The following HEMK2 variants were observed in gnomAD, a reference collection of about 807,000 sequenced individuals.
HEMK2 encodes the protein HemK methyltransferase 2, ETF1 glutamine and histone H4 lysine.
the HEMK2 span, among the ~76,000 whole-genome samples, chr21:28,823,217 G>A: frequency 3.3e-5 from 5 of 152,092 alleles, no homozygotes; most frequent in African/African-American, 2.4e-5. Context: ...CTGCCAAGTT[G>A]ACAATTTTAT....
chr21:28,587,700 T>C, the HEMK2 span, among the ~76,000 whole-genome samples: 1 of 152,206 alleles, frequency 6.6e-6, no homozygotes, highest in African/African-American at 2.4e-5. Flanking sequence ...ATTTTTTTAA[T>C]TTAAAAAATT....
the HEMK2 span, among the ~76,000 whole-genome samples, chr21:28,689,433 AAAG>A: frequency 2.0e-5 from 3 of 152,312 alleles, no homozygotes; most frequent in Admixed American, 6.5e-5. Context: ...TTTTTCTTAA[AAAG>A]AAGGTTAAGT....
the HEMK2 span, among the ~76,000 whole-genome samples, chr21:28,583,476 G>A: frequency 6.6e-6 from 1 of 152,172 alleles, no homozygotes; most frequent in Non-Finnish European, 1.5e-5. Context: ...GAATGAGAAA[G>A]TCTGAGGTCA....
chr21:28,804,228 T>TTTAC, the HEMK2 span, among the ~76,000 whole-genome samples: 1 of 152,204 alleles, frequency 6.6e-6, no homozygotes, highest in Non-Finnish European at 1.5e-5. Flanking sequence ...TTCAGACAAA[T>TTTAC]TTACTTGATT....
chr21:28,606,142 G>A, the HEMK2 span, among the ~76,000 whole-genome samples: 2 of 152,010 alleles, frequency 1.3e-5, no homozygotes, highest in Non-Finnish European at 2.9e-5. Context: ...ATTTTGAGTT[G>A]TAACAGTATA....
the HEMK2 span, among the ~76,000 whole-genome samples, chr21:28,685,189 G>A: frequency 5.3e-5 from 8 of 152,282 alleles, no homozygotes; most frequent in Middle Eastern, 3.4e-3. Context: ...TCAGCTCTTA[G>A]GGGCTACCTC....
At chr21:28,765,262 T>C in the HEMK2 span, among the ~76,000 whole-genome samples, 8 of 152,220 alleles carry the variant, frequency 5.3e-5, no homozygotes, top group Admixed American at 3.3e-4. Context: ...CAATTGAGTT[T>C]CAGGTGAGAC....
the HEMK2 span, among the ~76,000 whole-genome samples, chr21:28,643,296 T>C: frequency 6.6e-6 from 1 of 152,154 alleles, no homozygotes; most frequent in Non-Finnish European, 1.5e-5. Flanking sequence ...GATTAAGTCA[T>C]GGGGGTAGAG....
chr21:28,795,575 C>G, the HEMK2 span, among the ~76,000 whole-genome samples: 1 of 152,062 alleles, frequency 6.6e-6, no homozygotes, highest in South Asian at 2.1e-4. Context: ...ACTGGGTGAA[C>G]AGATAAAAGG....
chr21:28,714,762 G>A, the HEMK2 span, among the ~76,000 whole-genome samples: 4 of 152,156 alleles, frequency 2.6e-5, no homozygotes, highest in Non-Finnish European at 1.5e-5. Context: ...AGGGAGCATA[G>A]TACTCAATAG....
chr21:28,806,854 G>T, the HEMK2 span, among the ~76,000 whole-genome samples: 9 of 152,240 alleles, frequency 5.9e-5, no homozygotes, highest in Non-Finnish European at 1.0e-4. Flanking sequence ...GAGTGACCAT[G>T]GCCTTACTAA....
chr21:28,756,627 G>A, the HEMK2 span, among the ~76,000 whole-genome samples: 1 of 152,166 alleles, frequency 6.6e-6, no homozygotes, highest in African/African-American at 2.4e-5. Flanking sequence ...AGTGCCTTTT[G>A]CCAGAGAGTT....
the HEMK2 span, among the ~76,000 whole-genome samples, chr21:28,736,462 T>C: frequency 6.6e-6 from 1 of 152,196 alleles, no homozygotes; most frequent in African/African-American, 2.4e-5. Context: ...AATATGTTAA[T>C]ATTCTTTCAG....
chr21:28,585,111 C>A, the HEMK2 span, among the ~76,000 whole-genome samples: 1 of 152,108 alleles, frequency 6.6e-6, no homozygotes, highest in African/African-American at 2.4e-5. Context: ...GCAGGTGGAT[C>A]ACCTGAGGTC....
At chr21:28,663,695 G>A in the HEMK2 span, among the ~76,000 whole-genome samples, 1 of 152,138 alleles carries the variant, frequency 6.6e-6, no homozygotes, top group Non-Finnish European at 1.5e-5. Flanking sequence ...TTTTGTTATT[G>A]TCATTGATGA....
chr21:28,775,922 T>C, the HEMK2 span, among the ~76,000 whole-genome samples: 19,825 of 151,728 alleles, frequency 0.13, 1,455 homozygotes, highest in Middle Eastern at 0.23. Flanking sequence ...ACTGTTAAAA[T>C]GCCATTGGAA....
the HEMK2 span, among the ~76,000 whole-genome samples, chr21:28,758,818 A>C: frequency 1.5e-4 from 23 of 152,278 alleles, no homozygotes; most frequent in East Asian, 4.4e-3. Flanking sequence ...GCTGGAGCTC[A>C]GTGATTTGTG....
chr21:28,736,870 T>G, the HEMK2 span, among the ~76,000 whole-genome samples: 341 of 152,286 alleles, frequency 2.2e-3, 2 homozygotes, highest in African/African-American at 7.7e-3. Context: ...AAACTCAGAA[T>G]TGACAGTTAC....
the HEMK2 span, among the ~76,000 whole-genome samples, chr21:28,578,417 A>G: frequency 6.6e-6 from 1 of 152,200 alleles, no homozygotes; most frequent in African/African-American, 2.4e-5. Flanking sequence ...GGATGGTTGA[A>G]CATCCAACAC....
Sources: allele counts gnomAD v4.1 joint callset (sites outside exome capture counted in the v4.1 genomes callset), GRCh38; gene constraint gnomAD v4.1.1; transcripts MANE v1.5; gene names NCBI Gene and HGNC (gene_info 2026-07-23, HGNC 2026-07-21).